The following HADHB variants were observed in gnomAD, a reference collection of about 807,000 sequenced individuals.
The protein encoded by HADHB is hydroxyacyl-CoA dehydrogenase trifunctional multienzyme complex subunit beta.
A neutral mutation model predicts 61.9 loss-of-function variants in HADHB; 50 were observed. The ratio of observed to expected loss-of-function variants is 0.81; its 90% CI spans 0.64 to 1.02. The LOEUF is 1.02. Among genes scored for constraint, HADHB ranks in the 50% least tolerant of loss-of-function variants. The pLI is 0.00. For missense variants in HADHB, 504 were observed against 586.5 expected (o/e 0.86, Z 1.45); for synonymous variants, 191 against 201.6 (o/e 0.95, Z 0.45).
chr2:26,273,077 A>T (rs1672410073), intron 5 of HADHB, among the ~76,000 whole-genome samples: 1 of 150,938 alleles, frequency 6.6e-6, no homozygotes, highest in South Asian at 2.1e-4. Flanking sequence ...AAAGGGCAAG[A>T]TTCTTATCTC....
chr2:26,268,392 A>G (rs1480401104), intron 4 of HADHB, among the ~76,000 whole-genome samples: 1 of 152,220 alleles, frequency 6.6e-6, no homozygotes, highest in African/African-American at 2.4e-5. Context: ...AATGTGGGCT[A>G]GACTTAGTGA....
At position 26,279,316 on chromosome 2, in the gene HADHB, G is replaced by A. The variant is rs760714244; in HGVS notation, c.811+1G>A. On this transcript the variant is annotated splice_donor_variant, in intron 9 of 15. Coordinates refer to ENST00000317799, the MANE Select transcript of HADHB (RefSeq NM_000183.3). LOFTEE classifies it high-confidence loss of function. ...GATGTGGTACCCTTCAAAGTACCAG[G>A]TGAAATGAAATGCTTCATGACACTT... 6.3e-7 allele frequency: 1 copy of A among 1,598,564 alleles called. No homozygotes were observed. The highest frequency in any genetic ancestry group is 1.7e-5 in the Admixed American group (1 of 59,994).
At chr2:26,246,953 C>CGT (rs890340801) in intron 1 of HADHB, among the ~76,000 whole-genome samples, 35 of 152,078 alleles carry the variant, frequency 2.3e-4, no homozygotes, top group South Asian at 8.3e-4. Flanking sequence ...GGTGTGCGTG[C>CGT]GTGTGTGTGT....
At chr2:26,274,349 G>A (rs571783682) in intron 6 of HADHB, among the ~76,000 whole-genome samples, 1 of 152,276 alleles carries the variant, frequency 6.6e-6, no homozygotes, top group South Asian at 2.1e-4. Flanking sequence ...ACGTCTTCTG[G>A]GCTGTGTTTT....
rs184965371 is a variant in HADHB at position 26,273,815 on chromosome 2, T to C, written c.354+65T>C. ...GAGAATCACTTTGAATTTCAATTAA[T>C]AGAAGTTACTTTACAAAAGCCTTTA... On this transcript the variant is annotated intron_variant, in intron 6 of 15. Transcript: ENST00000317799. 9.4e-6 allele frequency: 8 copies of C among 855,072 alleles called. No homozygotes were observed. The East Asian group carries it at 9.9e-5, about 11-fold the overall frequency. The allele number at this position is 855,072 out of a possible 1,614,324, so 53.0% of individuals were successfully genotyped here.
chr2:26,255,352 T>C (rs1156825529), intron 3 of HADHB, among the ~76,000 whole-genome samples: 1 of 151,846 alleles, frequency 6.6e-6, no homozygotes, highest in Non-Finnish European at 1.5e-5. Flanking sequence ...ATACAAAAAT[T>C]AGCTGGGCAT....
Position 26,278,537 on chromosome 2 carries a change from T to A in HADHB, c.443-77T>A. ...AGCTGATAACTGTCATTCAGCTTTT[T>A]AATCAAGAAGCTTAAATTGGAATGG... On this transcript the variant is annotated intron_variant, in intron 7 of 15. Transcript: ENST00000317799. 2 of 1,256,932 alleles carry A rather than the reference T, an allele frequency of 1.6e-6. 1 individual carries two copies. The highest frequency in any genetic ancestry group is 3.4e-5 in the Admixed American group (2 of 58,414). The allele number at this position is 1,256,932 out of a possible 1,614,324, so 77.9% of individuals were successfully genotyped here. A position where few individuals can be genotyped will look rare whatever the true frequency, so the allele number is the denominator to read the frequency against.
intron 3 of HADHB, chr2:26,260,924 C>A: frequency 1.2e-6 from 1 of 819,262 alleles, no homozygotes; most frequent in Non-Finnish European, 2.0e-6. Flanking sequence ...TGTTCTTCCT[C>A]ATGGCATCTT....
At chr2:26,270,878 C>CT (rs1272001120) in intron 5 of HADHB, among the ~76,000 whole-genome samples, 1,445 of 128,176 alleles carry the variant, frequency 0.011, 20 homozygotes, top group African/African-American at 0.018. Context: ...TCTTCTGTAG[C>CT]TTTTTTTTTT....
chr2:26,247,109 C>G (rs1671198525), intron 1 of HADHB, among the ~76,000 whole-genome samples: 1 of 152,142 alleles, frequency 6.6e-6, no homozygotes, highest in African/African-American at 2.4e-5. Flanking sequence ...TAGAGCCACC[C>G]CATCTTGCTT....
At chr2:26,255,237 C>T (rs1338696920) in intron 3 of HADHB, among the ~76,000 whole-genome samples, 3 of 152,076 alleles carry the variant, frequency 2.0e-5, no homozygotes, top group African/African-American at 4.8e-5. Context: ...CGGGGGCTCA[C>T]GCCTGTAATC....
rs1672064398 is a variant in HADHB at position 26,266,097 on chromosome 2, A to G, written c.209+2618A>G. Among the ~76,000 whole-genome samples, 4 of 143,116 alleles carry G rather than the reference A, an allele frequency of 2.8e-5. No individual in the cohort carries two copies. In the South Asian group the frequency reaches 8.9e-4, roughly 32 times the overall value. 93.9% of individuals were successfully genotyped at this position (143,116 alleles called of 152,430 possible). A position where few individuals can be genotyped will look rare whatever the true frequency, so the allele number is the denominator to read the frequency against. On this transcript the variant is annotated intron_variant, in intron 4 of 15. Transcript: ENST00000317799. ...CAGTCCTATCTCTACAAAAAAAAGA[A>G]AAAAAAAAAGGTGTTTTAATTAGCC...
intron 15 of HADHB, among the ~76,000 whole-genome samples, chr2:26,287,944 A>G (rs1338869974): frequency 6.6e-6 from 1 of 152,174 alleles, no homozygotes; most frequent in African/African-American, 2.4e-5. Flanking sequence ...AAGAAAAAAC[A>G]TGGAACATGA....
intron 4 of HADHB, among the ~76,000 whole-genome samples, chr2:26,266,970 C>T (rs1457648016): frequency 6.7e-6 from 1 of 149,118 alleles, no homozygotes; most frequent in Non-Finnish European, 1.5e-5. Flanking sequence ...ATAATTCTGT[C>T]CTAAATTTGA....
intron 1 of HADHB, among the ~76,000 whole-genome samples, chr2:26,250,089 C>T (rs1164266098): frequency 6.6e-6 from 1 of 152,144 alleles, no homozygotes; most frequent in East Asian, 1.9e-4. Flanking sequence ...TCACTGCAAC[C>T]TCCGCCTCCC....
At chr2:26,248,322 A>G (rs898527435) in intron 1 of HADHB, among the ~76,000 whole-genome samples, 1 of 151,892 alleles carries the variant, frequency 6.6e-6, no homozygotes, top group South Asian at 2.1e-4. Context: ...ACTGATGTGC[A>G]TTTAGATTAG....
At position 26,284,123 on chromosome 2, in the gene HADHB, A is replaced by G. The variant is rs1433840671; in HGVS notation, c.1068A>G (p.Thr356=). 1 of 1,568,980 alleles carries G rather than the reference A, an allele frequency of 6.4e-7. No individual in the cohort carries two copies. The highest frequency in any genetic ancestry group is 1.1e-5 in the South Asian group (1 of 90,222). The change falls in exon 13 of 16, where the codon ACA becomes ACG. Residue 356 remains threonine (T), a synonymous_variant. Transcript: ENST00000317799. The part of the protein sequence containing the change: ...DPKDQLLLGP[T]YATPKVLEKA... ...ACTTATTTTTTCTTTGCAGACCAAC[A>G]TATGCTACTCCAAAAGTTCTAGAAA...
intron 5 of HADHB, among the ~76,000 whole-genome samples, chr2:26,273,252 C>CT (rs905933991): frequency 2.0e-5 from 3 of 150,682 alleles, no homozygotes; most frequent in African/African-American, 7.4e-5. Flanking sequence ...CCCAGGACTT[C>CT]TTTTTTTTTA....
intron 3 of HADHB, among the ~76,000 whole-genome samples, chr2:26,257,970 G>C (rs963947975): frequency 6.6e-6 from 1 of 151,970 alleles, no homozygotes; most frequent in African/African-American, 2.4e-5. Context: ...AGTGAGCCGA[G>C]ATCGTGCCAC....
Sources: gnomAD v4.1 joint callset for allele counts (sites outside exome capture counted in the v4.1 genomes callset) on GRCh38, gnomAD v4.1.1 for gene constraint, MANE v1.5 for transcripts, NCBI Gene and HGNC (gene_info 2026-07-23, HGNC 2026-07-21) for gene names.